Variants in ARL15 observed in about 807,000 individuals in gnomAD.
The protein encoded by ARL15 is ADP-ribosylation factor-like protein 15.
A neutral mutation model predicts 25.2 loss-of-function variants in ARL15; 19 were observed. That is an observed-to-expected ratio of 0.75 (90% CI 0.53 to 1.10). The LOEUF (loss-of-function observed/expected upper bound fraction) is 1.10, where lower values mean the gene tolerates loss of function less well. ARL15 is among the 50% of genes least tolerant of loss of function. The pLI, the probability that ARL15 is intolerant of heterozygous loss-of-function variation, is 0.00. For synonymous variants in ARL15, 94 were observed against 86.8 expected, an observed-to-expected ratio of 1.08 and a Z score of -0.46; for missense variants, 220 against 246.0, an observed-to-expected ratio of 0.89 and a Z score of 0.71.
chr5:54,125,070 G>GTTTTTTTTTTTTTTTTTTTTT (rs1753203668), intron 3 of ARL15, among the ~76,000 whole-genome samples: 1 of 135,948 alleles, frequency 7.4e-6, no homozygotes, highest in African/African-American at 2.9e-5. Context: ...CAAGTTTTTT[G>GTTTTTTTTTTTTTTTTTTTTT]TTTTGTTTTG....
chr5:54,281,146 T>A (rs1758053299), intron 1 of ARL15, among the ~76,000 whole-genome samples: 1 of 152,190 alleles, frequency 6.6e-6, no homozygotes, highest in Non-Finnish European at 1.5e-5. Context: ...CTATAACTTT[T>A]TTTTGTTTTT....
intron 1 of ARL15, among the ~76,000 whole-genome samples, chr5:54,256,770 T>G (rs892024779): frequency 5.3e-5 from 8 of 152,080 alleles, no homozygotes; most frequent in Non-Finnish European, 7.4e-5. Context: ...ATCCCAGGGA[T>G]GCAGGGATGG....
chr5:54,148,494 T>A (rs1579848416), intron 3 of ARL15, among the ~76,000 whole-genome samples: 1 of 152,152 alleles, frequency 6.6e-6, no homozygotes, highest in Non-Finnish European at 1.5e-5. Context: ...CTTTCTATAT[T>A]ACCCTAAAAA....
intron 4 of ARL15, among the ~76,000 whole-genome samples, chr5:53,907,457 C>CATATATATATATATATAT (rs1174664612): frequency 4.2e-5 from 1 of 23,850 alleles, no homozygotes; most frequent in Non-Finnish European, 7.0e-5. Context: ...CTTAAGAGTT[C>CATATATATATATATATAT]ATATATATAT....
intron 4 of ARL15, among the ~76,000 whole-genome samples, chr5:54,084,117 T>A (rs951900163): frequency 2.0e-5 from 3 of 152,150 alleles, no homozygotes; most frequent in Non-Finnish European, 4.4e-5. Context: ...CCACTGGACA[T>A]TAGCCAGGCT....
At chr5:54,058,603 G>T (rs1231978505) in intron 4 of ARL15, among the ~76,000 whole-genome samples, 1 of 152,138 alleles carries the variant, frequency 6.6e-6, no homozygotes, top group African/African-American at 2.4e-5. Flanking sequence ...GGGAAATCTG[G>T]GCAGAGGGAA....
chr5:53,958,711 C>T (rs1007653862), intron 4 of ARL15, among the ~76,000 whole-genome samples: 2 of 152,070 alleles, frequency 1.3e-5, no homozygotes, highest in South Asian at 4.2e-4. Context: ...GGTTAAAGTG[C>T]ACAGATGAAA....
At chr5:53,946,455 GAAAAA>G (rs55727717) in intron 4 of ARL15, among the ~76,000 whole-genome samples, 14 of 43,958 alleles carry the variant, frequency 3.2e-4, no homozygotes, top group Admixed American at 6.9e-4. Flanking sequence ...GTCTCAAGAG[GAAAAA>G]AAAAAAAAAA....
At chr5:53,937,369 T>C (rs1487329963) in intron 4 of ARL15, among the ~76,000 whole-genome samples, 1 of 152,146 alleles carries the variant, frequency 6.6e-6, no homozygotes, top group Non-Finnish European at 1.5e-5. Context: ...ACATTTACAC[T>C]AGTTTTTCTT....
chr5:54,226,071 C>T (rs1175789943), intron 1 of ARL15, among the ~76,000 whole-genome samples: 2 of 152,046 alleles, frequency 1.3e-5, no homozygotes, highest in Non-Finnish European at 2.9e-5. Context: ...TTTCAGTGGC[C>T]TGGGATATAG....
At chr5:54,187,589 G>A (rs183634953) in intron 1 of ARL15, among the ~76,000 whole-genome samples, 1 of 152,312 alleles carries the variant, frequency 6.6e-6, no homozygotes, top group East Asian at 1.9e-4. Flanking sequence ...ATGAGGGCTG[G>A]TAGAAACCCT....
At chr5:53,959,760 G>A (rs115862593) in intron 4 of ARL15, among the ~76,000 whole-genome samples, 3 of 151,944 alleles carry the variant, frequency 2.0e-5, no homozygotes, top group African/African-American at 7.3e-5. Context: ...ATCATCCAAC[G>A]TTGCATTCCT....
intron 4 of ARL15, among the ~76,000 whole-genome samples, chr5:54,112,342 T>C (rs1752766692): frequency 6.6e-6 from 1 of 152,158 alleles, no homozygotes; most frequent in Non-Finnish European, 1.5e-5. Context: ...AGTTAGAACA[T>C]GTTATGTCCT....
chr5:54,239,933 C>T (rs375037301), intron 1 of ARL15, among the ~76,000 whole-genome samples: 3 of 152,148 alleles, frequency 2.0e-5, no homozygotes, highest in African/African-American at 7.2e-5. Context: ...GAACTTAATT[C>T]TAACACATCA....
intron 4 of ARL15, among the ~76,000 whole-genome samples, chr5:53,966,855 T>C (rs761308758): frequency 6.6e-6 from 1 of 152,198 alleles, no homozygotes; most frequent in Admixed American, 6.5e-5. Context: ...TGCAGAAATC[T>C]GTCCTCAGAA....
At chr5:54,100,556 T>C (rs1248477469) in intron 4 of ARL15, among the ~76,000 whole-genome samples, 1 of 152,120 alleles carries the variant, frequency 6.6e-6, no homozygotes, top group Non-Finnish European at 1.5e-5. Context: ...TTACTGCACA[T>C]GGTTCCTCTA....
At chr5:53,898,526 T>A (rs964416029) in intron 4 of ARL15, among the ~76,000 whole-genome samples, 4 of 152,204 alleles carry the variant, frequency 2.6e-5, no homozygotes, top group African/African-American at 7.2e-5. Flanking sequence ...ATTTCAGTAG[T>A]TTGCACCCTT....
rs563724833 is a variant in ARL15 at position 54,231,400 on chromosome 5, T to C, written c.49-59472A>G. On this transcript the variant is annotated intron_variant, in intron 1 of 4. Transcript: ENST00000504924. ...AACATCCACTTCTCTGTCTCTCTCATAACACTCTTATCTGCACAGCCCCAG... is the reference window on the plus strand; with the variant it reads ...AACATCCACTTCTCTGTCTCTCTCACAACACTCTTATCTGCACAGCCCCAG... 2.3e-4 allele frequency among the ~76,000 whole-genome samples: 35 copies of C among 152,130 alleles called. 1 individual carries two copies. The highest frequency in any genetic ancestry group is 8.5e-4 in the African/African-American group (35 of 41,400).
chr5:54,092,431 C>T (rs928984710), intron 4 of ARL15, among the ~76,000 whole-genome samples: 3 of 151,520 alleles, frequency 2.0e-5, no homozygotes, highest in African/African-American at 7.3e-5. Context: ...AAATGAATGA[C>T]CAAGCATGGA....
Sources: gnomAD v4.1 joint callset for allele counts (sites outside exome capture counted in the v4.1 genomes callset) on GRCh38, gnomAD v4.1.1 for gene constraint, MANE v1.5 for transcripts, NCBI Gene and HGNC (gene_info 2026-07-23, HGNC 2026-07-21) for gene names.